The following ZRANB3 variants were observed in gnomAD, a reference collection of about 807,000 sequenced individuals.
ZRANB3 encodes zinc finger RANBP2-type containing 3.
In ZRANB3, 125 loss-of-function variants were observed where a neutral mutation model predicts 133.8. That is an observed-to-expected ratio of 0.93 (90% CI 0.81 to 1.08). The LOEUF (loss-of-function observed/expected upper bound fraction) is 1.08. Among genes scored for constraint, ZRANB3 ranks in the 50% least tolerant of loss-of-function variants. ZRANB3 has a pLI of 0.00. For missense variants in ZRANB3, 1,229 were observed against 1,275.5 expected (o/e 0.96, Z 0.56); for synonymous variants, 387 against 432.7 (o/e 0.89, Z 1.31).
At chr2:135,422,318 G>C (rs980297440) in intron 2 of ZRANB3, among the ~76,000 whole-genome samples, 4 of 151,916 alleles carry the variant, frequency 2.6e-5, no homozygotes, top group African/African-American at 9.7e-5. Context: ...ACAGTTACTC[G>C]TCAAAGCCAT....
At chr2:135,212,297 T>C (rs1401831213) in intron 17 of ZRANB3, among the ~76,000 whole-genome samples, 1 of 152,234 alleles carries the variant, frequency 6.6e-6, no homozygotes, top group African/African-American at 2.4e-5. Flanking sequence ...AACAATTTCT[T>C]CAACCATTTT....
intron 2 of ZRANB3, among the ~76,000 whole-genome samples, chr2:135,497,076 A>G (rs866586238): frequency 1.1e-4 from 17 of 152,220 alleles, no homozygotes; most frequent in Admixed American, 2.6e-4. Flanking sequence ...AAGATAAGAG[A>G]TATACAGGAC....
rs867541994 is a variant in ZRANB3, at chr2:135,315,528, T to C, written c.680A>G (p.Tyr227Cys). 1 of 1,505,764 alleles carries C rather than the reference T, an allele frequency of 6.6e-7. No individual in the cohort carries two copies. The allele number at this position is 1,505,764 out of a possible 1,614,324, so 93.3% of individuals were successfully genotyped here. A position where few individuals can be genotyped will look rare whatever the true frequency, so the allele number is the denominator to read the frequency against. ...AKRYCNAHIR[Y>C]FGKRPQWDCR... is the part of the protein sequence containing the mutation. ...ATCCCACTGAGGTCTTTTACCAAAATATCTGTTAAAATGAAGACAAAACAT... is the reference window on the plus strand; with the variant it reads ...ATCCCACTGAGGTCTTTTACCAAAACATCTGTTAAAATGAAGACAAAACAT... Residue 227 changes from tyrosine to cysteine, a missense_variant and splice_region_variant, in exon 7 of 21, where the codon TAT becomes TGT. Coordinates refer to ENST00000264159, the MANE Select transcript of ZRANB3 (RefSeq NM_032143.4).
intron 12 of ZRANB3, among the ~76,000 whole-genome samples, chr2:135,246,971 A>G (rs1016092322): frequency 1.3e-5 from 2 of 152,180 alleles, no homozygotes; most frequent in Non-Finnish European, 2.9e-5. Flanking sequence ...GGGGAAAAAA[A>G]TCTAGTAAAA....
chr2:135,448,468 T>G (rs1333931499), intron 2 of ZRANB3, among the ~76,000 whole-genome samples: 1 of 152,188 alleles, frequency 6.6e-6, no homozygotes, highest in Non-Finnish European at 1.5e-5. Flanking sequence ...TGAACAACAG[T>G]TGGAAAATAC....
At chr2:135,255,859 C>A (rs574310932) in intron 12 of ZRANB3, among the ~76,000 whole-genome samples, 12 of 151,658 alleles carry the variant, frequency 7.9e-5, no homozygotes, top group Non-Finnish European at 1.6e-4. Context: ...ACAAAAACAA[C>A]CCTCCTCAAA....
At chr2:135,465,049 G>A (rs1367871565) in intron 2 of ZRANB3, among the ~76,000 whole-genome samples, 1 of 152,182 alleles carries the variant, frequency 6.6e-6, no homozygotes, top group Non-Finnish European at 1.5e-5. Context: ...AGCAAATGGA[G>A]AACAAAATCG....
At position 135,248,736 on chromosome 2, in the gene ZRANB3, T is replaced by C. The variant is rs181215703; in HGVS notation, c.1539+16798A>G. ...GCCTGGCCAAAATTGTGAAACCCTA[T>C]CCTTACAAAAACTACAAAAATTAGC... On this transcript the variant is annotated intron_variant, in intron 12 of 20. Coordinates refer to ENST00000264159, the MANE Select transcript of ZRANB3 (RefSeq NM_032143.4). Among the ~76,000 whole-genome samples the C allele has an allele frequency of 1.4e-3, 220 of 152,234 alleles. 1 individual carries two copies. The highest frequency in any genetic ancestry group is 5.1e-3 in the African/African-American group (213 of 41,558).
intron 6 of ZRANB3, among the ~76,000 whole-genome samples, chr2:135,331,156 G>C (rs1247998168): frequency 6.6e-6 from 1 of 151,936 alleles, no homozygotes; most frequent in East Asian, 1.9e-4. Context: ...GTGATATTAG[G>C]GTGTCGATTT....
intron 2 of ZRANB3, among the ~76,000 whole-genome samples, chr2:135,420,091 T>TTATATATATATATATATATATATA (rs201217358): frequency 3.3e-4 from 24 of 72,460 alleles, no homozygotes; most frequent in Admixed American, 6.5e-4. Context: ...TATCTTAGAT[T>TTATATATATATATATATATATATA]TATATATATA....
chr2:135,348,377 C>G (rs1396760493), intron 5 of ZRANB3, among the ~76,000 whole-genome samples: 1 of 151,992 alleles, frequency 6.6e-6, no homozygotes, highest in African/African-American at 2.4e-5. Context: ...AAAAAAATCC[C>G]AAACACAAAT....
intron 2 of ZRANB3, among the ~76,000 whole-genome samples, chr2:135,419,030 C>T (rs575673473): frequency 3.4e-5 from 5 of 148,660 alleles, no homozygotes; most frequent in African/African-American, 2.5e-5. Context: ...CTCTGCCTCC[C>T]GGGTTCACGC....
chr2:135,355,631 G>A (rs1416594499), intron 3 of ZRANB3, among the ~76,000 whole-genome samples: 4 of 151,994 alleles, frequency 2.6e-5, no homozygotes, highest in Non-Finnish European at 5.9e-5. Context: ...TGCTGGGATT[G>A]CAGGCATGAG....
chr2:135,440,979 AC>A (rs911015166), intron 2 of ZRANB3, among the ~76,000 whole-genome samples: 12 of 152,286 alleles, frequency 7.9e-5, no homozygotes, highest in African/African-American at 2.9e-4. Flanking sequence ...TCAGACAGAG[AC>A]CTTTGGGACA....
chr2:135,479,859 C>G (rs1450337134), intron 2 of ZRANB3, among the ~76,000 whole-genome samples: 3 of 152,032 alleles, frequency 2.0e-5, no homozygotes, highest in Admixed American at 1.3e-4. Context: ...TTAGATGAAT[C>G]AGGCAGTATG....
Position 135,504,467 on chromosome 2 carries a change from T to C in ZRANB3, c.23A>G (p.Lys8Arg). The C allele has an allele frequency of 1.2e-6, 2 of 1,613,154 alleles. No homozygotes were observed. Among genetic ancestry groups the C allele is most frequent in the African/African-American group, 1.3e-5 (1 of 74,980 alleles). MPRVHNI[K>R]KSLTPHISCV... ...AGAAATGTGAGGTGTAAGAGACTTT[T>C]TTATGTTATGAACCCTAGGCATGAT... The change falls in exon 2 of 21, where the codon AAA becomes AGA. Residue 8 changes from lysine to arginine, a missense_variant. Lys to Arg is a conservative substitution (Grantham distance 26). Coordinates refer to ENST00000264159, the MANE Select transcript of ZRANB3 (RefSeq NM_032143.4).
Position 135,217,549 on chromosome 2 carries a change from C to T in ZRANB3, c.2411G>A (p.Arg804Lys). The change falls in exon 17 of 21, where the codon AGG (arginine) becomes AAG (lysine). Residue 804 changes from arginine (R) to lysine (K), a missense_variant. Coordinates refer to ENST00000264159, the MANE Select transcript of ZRANB3 (RefSeq NM_032143.4). The part of the protein sequence containing the change: ...SLTAMKQRII[R>K]KSGQLFCSPI... ...GCTACAGAATAGCTGTCCACTTTTC[C>T]TGATTATCCTTTGCTTCATGGCAGT... 6.2e-7 allele frequency: 1 copy of T among 1,613,692 alleles called. No individual in the cohort carries two copies. Among genetic ancestry groups the T allele is most frequent in the Non-Finnish European group, 8.5e-7 (1 of 1,179,802 alleles).
At chr2:135,518,985 T>C (rs1482407587) in intron 1 of ZRANB3, among the ~76,000 whole-genome samples, 1 of 152,182 alleles carries the variant, frequency 6.6e-6, no homozygotes, top group East Asian at 1.9e-4. Flanking sequence ...ACTGTTTCTG[T>C]CCCTCAGATT....
intron 2 of ZRANB3, among the ~76,000 whole-genome samples, chr2:135,465,180 C>T (rs894827284): frequency 6.6e-6 from 1 of 152,098 alleles, no homozygotes; most frequent in African/African-American, 2.4e-5. Context: ...GAATCCAAAG[C>T]GGACTTATCA....
Sources: gnomAD v4.1 joint callset for allele counts (sites outside exome capture counted in the v4.1 genomes callset) on GRCh38, gnomAD v4.1.1 for gene constraint, MANE v1.5 for transcripts, NCBI Gene and HGNC (gene_info 2026-07-23, HGNC 2026-07-21) for gene names.